Variants in CCNY observed in about 807,000 individuals in gnomAD.
CCNY encodes the protein cyclin-Y.
A neutral mutation model predicts 42.8 loss-of-function variants in CCNY; 19 were observed. That is an observed-to-expected ratio of 0.44 (90% CI 0.31 to 0.65). The LOEUF is 0.65. CCNY is among the 30% of genes least tolerant of loss of function. The pLI is 0.07. For synonymous variants in CCNY, 165 were observed against 162.7 expected (o/e 1.01, Z -0.11); for missense variants, 370 against 437.3 (o/e 0.85, Z 1.37).
chr10:35,252,168 T>C (rs920950507), intron 3 of CCNY, among the ~76,000 whole-genome samples: 1 of 152,202 alleles, frequency 6.6e-6, no homozygotes, highest in Non-Finnish European at 1.5e-5. Context: ...TATTCTTTCT[T>C]TGATATTTGC....
intron 1 of CCNY, among the ~76,000 whole-genome samples, chr10:35,460,417 C>T (rs936046023): frequency 1.3e-5 from 2 of 151,876 alleles, no homozygotes; most frequent in Non-Finnish European, 1.5e-5. Flanking sequence ...TTTGGCTTCC[C>T]TGGGCCACAT....
intron 5 of CCNY, among the ~76,000 whole-genome samples, chr10:35,526,996 G>A (rs1411769792): frequency 6.6e-6 from 1 of 152,116 alleles, no homozygotes; most frequent in Non-Finnish European, 1.5e-5. Flanking sequence ...CACGTTGTCG[G>A]TTTACAAAGC....
chr10:35,357,408 G>A (rs1434988760), intron 1 of CCNY, among the ~76,000 whole-genome samples: 4 of 152,188 alleles, frequency 2.6e-5, no homozygotes, highest in African/African-American at 9.7e-5. Flanking sequence ...GGAAATACTC[G>A]AATGAATAGA....
intron 3 of CCNY, among the ~76,000 whole-genome samples, chr10:35,277,578 A>G (rs1342488645): frequency 2.0e-5 from 3 of 152,194 alleles, no homozygotes; most frequent in African/African-American, 7.2e-5. Context: ...GTGATAACCA[A>G]CTGTCCTGAG....
chr10:35,440,756 A>G (rs1838648897), intron 1 of CCNY, among the ~76,000 whole-genome samples: 1 of 152,194 alleles, frequency 6.6e-6, no homozygotes, highest in Admixed American at 6.5e-5. Context: ...AATGAAGTGT[A>G]ATTGCACACG....
At chr10:35,298,095 A>G (rs1001106956) in intron 3 of CCNY, among the ~76,000 whole-genome samples, 8 of 152,214 alleles carry the variant, frequency 5.3e-5, no homozygotes, top group Admixed American at 1.3e-4. Context: ...TTCAAACTAT[A>G]CTACAGGGCT....
At chr10:35,330,355 T>C (rs1835927792) in intron 3 of CCNY, among the ~76,000 whole-genome samples, 1 of 152,216 alleles carries the variant, frequency 6.6e-6, no homozygotes, top group Non-Finnish European at 1.5e-5. Context: ...ACCTATACCG[T>C]ATCTTGGCTC....
At chr10:35,260,868 C>T (rs35308730) in intron 3 of CCNY, among the ~76,000 whole-genome samples, 55,563 of 152,012 alleles carry the variant, frequency 0.37, 10,650 homozygotes, top group African/African-American at 0.49. Flanking sequence ...AATCTATAAT[C>T]CCAAAACTTG....
intron 3 of CCNY, among the ~76,000 whole-genome samples, chr10:35,282,013 T>C (rs540381594): frequency 6.6e-6 from 1 of 152,076 alleles, no homozygotes; most frequent in South Asian, 2.1e-4. Flanking sequence ...CATTTTCTCC[T>C]TCATAAATTT....
intron 4 of CCNY, among the ~76,000 whole-genome samples, chr10:35,522,457 CTGCCTTTA>C (rs1225813682): frequency 1.3e-5 from 2 of 152,196 alleles, no homozygotes; most frequent in African/African-American, 2.4e-5. Context: ...CTCCTGGGAG[CTGCCTTTA>C]GAGGAACGCA....
At chr10:35,526,117 A>G (rs752756530) in intron 5 of CCNY, 118 bp downstream of exon 5, 6 of 890,464 alleles carry the variant, frequency 6.7e-6, no homozygotes, top group Non-Finnish European at 8.4e-6. Context: ...TCATATTTTC[A>G]TAGAATTTCT....
At chr10:35,458,048 C>T (rs562608274) in intron 1 of CCNY, among the ~76,000 whole-genome samples, 2 of 152,232 alleles carry the variant, frequency 1.3e-5, no homozygotes, top group Admixed American at 6.5e-5. Context: ...ATGTTATGTA[C>T]GTGTTCTTTG....
intron 7 of CCNY, among the ~76,000 whole-genome samples, chr10:35,548,292 G>GTATATATATA (rs113069550): frequency 8.3e-4 from 119 of 143,820 alleles, no homozygotes; most frequent in African/African-American, 2.9e-3. Context: ...ATATATTTAT[G>GTATATATATA]TATATATATA....
intron 1 of CCNY, among the ~76,000 whole-genome samples, chr10:35,396,408 A>C (rs1363953008): frequency 6.6e-6 from 1 of 152,078 alleles, no homozygotes; most frequent in Non-Finnish European, 1.5e-5. Context: ...GTGCCGCAAG[A>C]AGGTGGGGTG....
chr10:35,562,550 C>A (rs1365199627), intron 8 of CCNY, among the ~76,000 whole-genome samples: 1 of 152,224 alleles, frequency 6.6e-6, no homozygotes, highest in Non-Finnish European at 1.5e-5. Context: ...GGACCTCACA[C>A]AAGTGGGATC....
chr10:35,451,454 A>G lies in CCNY; in HGVS notation c.155-31950A>G, dbSNP rs116618151. Among the ~76,000 whole-genome samples, 503 of 152,324 alleles carry G rather than the reference A, an allele frequency of 3.3e-3. 4 individuals are homozygous for G. Among genetic ancestry groups the G allele is most frequent in the African/African-American group, 0.011 (475 of 41,564 alleles). ...CCATGTCGTCTTAAAATGACTGGAA[A>G]GTTGGTGATGAACAGAAGGCTTATT... is the stretch of plus-strand genomic sequence containing the variant. On this transcript the variant is annotated intron_variant, in intron 1 of 9. Transcript: ENST00000374704.
At chr10:35,413,579 A>G (rs1457527500) in intron 1 of CCNY, among the ~76,000 whole-genome samples, 3 of 152,206 alleles carry the variant, frequency 2.0e-5, no homozygotes, top group Non-Finnish European at 4.4e-5. Context: ...TCTGGGACAG[A>G]AGCTCTGGGA....
chr10:35,360,954 G>A (rs978193827), intron 1 of CCNY, among the ~76,000 whole-genome samples: 2 of 152,022 alleles, frequency 1.3e-5, no homozygotes, highest in African/African-American at 4.8e-5. Flanking sequence ...TCTGCCTCCC[G>A]GGTTTAAATG....
chr10:35,396,115 C>T (rs2504367), intron 1 of CCNY, among the ~76,000 whole-genome samples: 10,400 of 152,174 alleles, frequency 0.068, 564 homozygotes, highest in African/African-American at 0.15. Flanking sequence ...TGGCGTTTTG[C>T]ACATAGCAGG....
Sources: gnomAD v4.1 joint callset for allele counts (sites outside exome capture counted in the v4.1 genomes callset) on GRCh38, gnomAD v4.1.1 for gene constraint, MANE v1.5 for transcripts, NCBI Gene and HGNC (gene_info 2026-07-23, HGNC 2026-07-21) for gene names.